The following ATXN1 variants were observed in gnomAD, a reference collection of about 807,000 sequenced individuals.
The protein encoded by ATXN1 is ataxin-1.
A neutral mutation model predicts 56.4 loss-of-function variants in ATXN1; 8 were observed. The observed-to-expected ratio is 0.14, with a 90% CI of 0.08 to 0.26. The LOEUF is 0.26. ATXN1 is among the 10% of genes least tolerant of loss of function. The pLI, the probability that ATXN1 is intolerant of heterozygous loss-of-function variation, is 1.00. For synonymous variants in ATXN1, 514 were observed against 494.6 expected (o/e 1.04, Z -0.52); for missense variants, 987 against 1,106.5 (o/e 0.89, Z 1.53).
intron 2 of ATXN1, among the ~76,000 whole-genome samples, chr6:16,729,951 C>T (rs2113483030): frequency 6.6e-6 from 1 of 152,274 alleles, no homozygotes; most frequent in South Asian, 2.1e-4. Context: ...GAATGAAAAA[C>T]CTCTCATCTC....
chr6:16,448,765 G>A (rs1581770138), intron 6 of ATXN1, among the ~76,000 whole-genome samples: 1 of 152,212 alleles, frequency 6.6e-6, no homozygotes, highest in Non-Finnish European at 1.5e-5. Context: ...AGGCCCAAGA[G>A]GAAAGCCTAC....
At chr6:16,587,979 G>C (rs538783959) in intron 3 of ATXN1, among the ~76,000 whole-genome samples, 1 of 151,224 alleles carries the variant, frequency 6.6e-6, no homozygotes, top group East Asian at 1.9e-4. Context: ...GGCCAACCTT[G>C]AGCTTAAATA....
At chr6:16,552,890 C>T (rs1761947901) in intron 4 of ATXN1, among the ~76,000 whole-genome samples, 1 of 152,236 alleles carries the variant, frequency 6.6e-6, no homozygotes, top group Non-Finnish European at 1.5e-5. Flanking sequence ...GGCTGGGCCT[C>T]TTCTGTCTAA....
intron 3 of ATXN1, among the ~76,000 whole-genome samples, chr6:16,619,413 G>A (rs1462625056): frequency 6.6e-6 from 1 of 152,128 alleles, no homozygotes; most frequent in African/African-American, 2.4e-5. Context: ...ATTATGGATG[G>A]AAATTACAGT....
At chr6:16,400,485 T>C (rs1758545686) in intron 6 of ATXN1, among the ~76,000 whole-genome samples, 1 of 152,216 alleles carries the variant, frequency 6.6e-6, no homozygotes, top group Admixed American at 6.5e-5. Flanking sequence ...GTACAAGTTT[T>C]CAAGCCAGTT....
intron 6 of ATXN1, among the ~76,000 whole-genome samples, chr6:16,446,998 C>T (rs74331294): frequency 0.024 from 3,698 of 152,240 alleles, 83 homozygotes; most frequent in African/African-American, 0.057. Flanking sequence ...CCAGATTATA[C>T]AACTATTCCT....
At chr6:16,466,538 C>G (rs1223146432) in intron 6 of ATXN1, among the ~76,000 whole-genome samples, 1 of 152,086 alleles carries the variant, frequency 6.6e-6, no homozygotes, top group African/African-American at 2.4e-5. Context: ...TTCACTCTTA[C>G]ATTCATATAC....
At chr6:16,319,704 A>G (rs1216315987) in intron 7 of ATXN1, among the ~76,000 whole-genome samples, 4 of 152,220 alleles carry the variant, frequency 2.6e-5, no homozygotes, top group African/African-American at 9.6e-5. Context: ...ACCTCTCTCT[A>G]CTTGCTGTAC....
At chr6:16,460,405 T>TGTGGCAGTGGCTATCTTA (rs1328996951) in intron 6 of ATXN1, among the ~76,000 whole-genome samples, 2 of 152,150 alleles carry the variant, frequency 1.3e-5, no homozygotes, top group Non-Finnish European at 2.9e-5. Flanking sequence ...TACGGGTAGT[T>TGTGGCAGTGGCTATCTTA]GTGGCAGTGG....
intron 6 of ATXN1, among the ~76,000 whole-genome samples, chr6:16,354,673 T>C (rs761088051): frequency 6.6e-6 from 1 of 152,230 alleles, no homozygotes. Context: ...AATATAATTA[T>C]CTACACTTTG....
intron 5 of ATXN1, among the ~76,000 whole-genome samples, chr6:16,511,906 T>C (rs916879635): frequency 7.2e-5 from 11 of 152,184 alleles, no homozygotes; most frequent in Non-Finnish European, 1.6e-4. Flanking sequence ...GTGGGTGTCT[T>C]TGCCACGAGG....
At chr6:16,570,345 T>C (rs553125571) in intron 4 of ATXN1, among the ~76,000 whole-genome samples, 1 of 152,244 alleles carries the variant, frequency 6.6e-6, no homozygotes. Context: ...GTTGAATCAC[T>C]AATCTTACTT....
intron 4 of ATXN1, among the ~76,000 whole-genome samples, chr6:16,523,554 T>C (rs1344287711): frequency 6.6e-6 from 1 of 152,234 alleles, no homozygotes; most frequent in African/African-American, 2.4e-5. Flanking sequence ...GGAGTTTTGC[T>C]ACATTGCCAG....
chr6:16,753,618 G>A (rs767925082), intron 1 of ATXN1, among the ~76,000 whole-genome samples: 1 of 152,184 alleles, frequency 6.6e-6, no homozygotes, highest in Admixed American at 6.5e-5. Context: ...ATTTGAGCCA[G>A]CCGCTGTCAT....
intron 5 of ATXN1, among the ~76,000 whole-genome samples, chr6:16,520,129 C>G (rs762580663): frequency 1.3e-5 from 2 of 152,156 alleles, no homozygotes; most frequent in Non-Finnish European, 2.9e-5. Flanking sequence ...CCTGGATTTC[C>G]CTTAAAGAGA....
chr6:16,564,635 A>T (rs1295103493), intron 4 of ATXN1, among the ~76,000 whole-genome samples: 1 of 152,246 alleles, frequency 6.6e-6, no homozygotes, highest in African/African-American at 2.4e-5. Flanking sequence ...GATTCTATTT[A>T]TATGGAATGT....
intron 2 of ATXN1, among the ~76,000 whole-genome samples, chr6:16,751,863 G>A (rs1760729327): frequency 6.6e-6 from 1 of 152,134 alleles, no homozygotes; most frequent in South Asian, 2.1e-4. Context: ...CATACACCAG[G>A]TACTATTCTA....
intron 3 of ATXN1, among the ~76,000 whole-genome samples, chr6:16,608,809 C>G (rs1763055683): frequency 1.3e-5 from 2 of 152,192 alleles, no homozygotes; most frequent in Non-Finnish European, 1.5e-5. Flanking sequence ...ACGTGTAAGC[C>G]TAACTTTTTA....
chr6:16,416,200 GA>G (rs575818177), intron 6 of ATXN1, among the ~76,000 whole-genome samples: 267 of 148,702 alleles, frequency 1.8e-3, no homozygotes, highest in African/African-American at 5.5e-3. Context: ...CTATGAATTG[GA>G]AAAAAAAAAT....
Sources: allele counts gnomAD v4.1 joint callset (sites outside exome capture counted in the v4.1 genomes callset), GRCh38; gene constraint gnomAD v4.1.1; transcripts MANE v1.5; gene names NCBI Gene and HGNC (gene_info 2026-07-23, HGNC 2026-07-21).